EXOC4: variants seen among roughly 807,000 people sequenced by gnomAD.
The protein encoded by EXOC4 is exocyst complex component 4, also known as SEC8-like 1.
In EXOC4, 71 loss-of-function variants were observed where a neutral mutation model predicts 107.2. The ratio of observed to expected loss-of-function variants is 0.66; its 90% CI spans 0.55 to 0.81. EXOC4 has a LOEUF of 0.81. Ranked by LOEUF, EXOC4 falls within the 30% of genes least tolerant of loss-of-function variation. The probability of loss-of-function intolerance (pLI) is 0.00; values close to 1 mark genes in which losing one functional copy is unlikely to be tolerated. For missense variants in EXOC4, 1,108 were observed against 1,189.6 expected, an observed-to-expected ratio of 0.93 and a Z score of 1.01; for synonymous variants, 456 against 441.2, an observed-to-expected ratio of 1.03 and a Z score of -0.42.
At chr7:133,703,404 G>T (rs1794706198) in intron 10 of EXOC4, among the ~76,000 whole-genome samples, 1 of 152,126 alleles carries the variant, frequency 6.6e-6, no homozygotes, top group South Asian at 2.1e-4. Context: ...TCACATTTAG[G>T]GGGAGTATAT....
intron 5 of EXOC4, among the ~76,000 whole-genome samples, chr7:133,343,766 G>A (rs924729830): frequency 2.0e-5 from 3 of 151,168 alleles, no homozygotes; most frequent in Non-Finnish European, 4.4e-5. Flanking sequence ...TATTTCCTCA[G>A]TGCTTCCTAT....
At chr7:133,498,957 G>A (rs1032582899) in intron 9 of EXOC4, among the ~76,000 whole-genome samples, 11 of 151,942 alleles carry the variant, frequency 7.2e-5, no homozygotes, top group African/African-American at 2.7e-4. Context: ...GATAATTAAT[G>A]CCATCTTTAA....
At chr7:133,823,874 A>ATATATATATATATATATATATAT (rs1797614478) in intron 11 of EXOC4, among the ~76,000 whole-genome samples, 4 of 9,078 alleles carry the variant, frequency 4.4e-4, no homozygotes, top group East Asian at 2.5e-3. Flanking sequence ...TATATATATT[A>ATATATATATATATATATATATAT]TATATATATA....
intron 7 of EXOC4, among the ~76,000 whole-genome samples, chr7:133,403,525 A>T (rs1216137563): frequency 7.4e-6 from 1 of 134,778 alleles, no homozygotes; most frequent in Non-Finnish European, 1.5e-5. Flanking sequence ...TGGTACCAAC[A>T]TTATCAGTTA....
At chr7:133,285,873 A>G (rs1794264760) in intron 2 of EXOC4, among the ~76,000 whole-genome samples, 1 of 151,128 alleles carries the variant, frequency 6.6e-6, no homozygotes, top group African/African-American at 2.4e-5. Flanking sequence ...AATCCTACTG[A>G]CTCAGCCTCT....
chr7:133,710,752 C>G (rs1248498383), intron 10 of EXOC4, among the ~76,000 whole-genome samples: 1 of 151,112 alleles, frequency 6.6e-6, no homozygotes, highest in East Asian at 1.9e-4. Context: ...AATATGCAGT[C>G]AGAGAGACAG....
At position 133,823,903 on chromosome 7, in the gene EXOC4, AT is replaced by A. The variant is rs1286854666; in HGVS notation, c.1734+6360del. 1.8e-4 allele frequency among the ~76,000 whole-genome samples: 5 copies of A among 28,474 alleles called. 1 individual carries two copies. Among genetic ancestry groups the A allele is most frequent in the Admixed American group, 1.1e-3 (3 of 2,694 alleles). The allele number at this position is 28,474 out of a possible 152,430, so 18.7% of individuals were successfully genotyped here. The stretch of plus-strand genomic sequence containing the variant: ...ATATATATATATATATTTTATATAT[AT>A]ATATATAAATATATATATAAATTAT... On this transcript the variant is annotated intron_variant, in intron 11 of 17. Transcript: ENST00000253861.
chr7:133,544,725 TA>T (rs11330976), intron 9 of EXOC4, among the ~76,000 whole-genome samples: 35,984 of 151,952 alleles, frequency 0.24, 5,019 homozygotes, highest in African/African-American at 0.37. Flanking sequence ...TCGAGGGAAT[TA>T]AAGCAATAAC....
At chr7:133,360,118 GGCCTGAA>G (rs745640127) in intron 6 of EXOC4, among the ~76,000 whole-genome samples, 2 of 152,120 alleles carry the variant, frequency 1.3e-5, no homozygotes, top group Non-Finnish European at 2.9e-5. Flanking sequence ...TGGTGACTGT[GGCCTGAA>G]GCCTCTGCAT....
chr7:133,639,734 G>A (rs1268057219), intron 10 of EXOC4, among the ~76,000 whole-genome samples: 1 of 152,102 alleles, frequency 6.6e-6, no homozygotes, highest in Non-Finnish European at 1.5e-5. Context: ...TGAAATAATT[G>A]CTGGAATGTT....
intron 9 of EXOC4, among the ~76,000 whole-genome samples, chr7:133,524,740 A>G (rs1310781720): frequency 1.3e-5 from 2 of 152,150 alleles, no homozygotes; most frequent in Non-Finnish European, 2.9e-5. Context: ...GTCAAAGATC[A>G]GATAGTTGTA....
At chr7:133,258,416 T>A (rs1254247075) in intron 1 of EXOC4, among the ~76,000 whole-genome samples, 1 of 152,196 alleles carries the variant, frequency 6.6e-6, no homozygotes, top group Non-Finnish European at 1.5e-5. Context: ...TGTGGTTGTG[T>A]GTTGTAGTTG....
At chr7:134,020,591 G>A (rs533369126) in intron 17 of EXOC4, among the ~76,000 whole-genome samples, 149 of 152,238 alleles carry the variant, frequency 9.8e-4, no homozygotes, top group African/African-American at 3.4e-3. Context: ...TGGAAATTTG[G>A]GAGTAAACTA....
chr7:133,698,893 G>GAAAATGA (rs1478671438), intron 10 of EXOC4, among the ~76,000 whole-genome samples: 1 of 152,118 alleles, frequency 6.6e-6, no homozygotes, highest in Non-Finnish European at 1.5e-5. Context: ...AATAAATTAT[G>GAAAATGA]AAAATGAAAA....
intron 5 of EXOC4, among the ~76,000 whole-genome samples, chr7:133,331,339 A>G (rs1342789963): frequency 6.6e-6 from 1 of 152,210 alleles, no homozygotes; most frequent in Non-Finnish European, 1.5e-5. Context: ...AAATCAATAA[A>G]ACAAGCTAAT....
intron 14 of EXOC4, among the ~76,000 whole-genome samples, chr7:133,971,355 TATATATAGAGAGAG>T (rs1228865076): frequency 4.7e-4 from 48 of 101,708 alleles, no homozygotes; most frequent in African/African-American, 1.8e-3. Context: ...TATATATATA[TATATATAGAGAGAG>T]AGAGAGAGAG....
At chr7:133,628,234 G>C (rs560486869) in intron 9 of EXOC4, among the ~76,000 whole-genome samples, 1 of 152,134 alleles carries the variant, frequency 6.6e-6, no homozygotes, top group Non-Finnish European at 1.5e-5. Context: ...ATTGATTTAT[G>C]CTAGATTGAA....
chr7:133,772,266 A>G (rs1279645546), intron 10 of EXOC4, among the ~76,000 whole-genome samples: 2 of 152,036 alleles, frequency 1.3e-5, no homozygotes, highest in African/African-American at 4.8e-5. Flanking sequence ...CAGCCCTGGT[A>G]ATATTTAGGA....
intron 17 of EXOC4, among the ~76,000 whole-genome samples, chr7:134,046,554 T>C (rs978346181): frequency 7.4e-6 from 1 of 135,490 alleles, no homozygotes; most frequent in Non-Finnish European, 1.5e-5. Context: ...TTTTATTTGA[T>C]TTTTTTTTTT....
Sources: gnomAD v4.1 joint callset for allele counts (sites outside exome capture counted in the v4.1 genomes callset) on GRCh38, gnomAD v4.1.1 for gene constraint, MANE v1.5 for transcripts, NCBI Gene and HGNC (gene_info 2026-07-23, HGNC 2026-07-21) for gene names.